The following SPIB variants were observed in gnomAD, a reference collection of about 807,000 sequenced individuals.
SPIB encodes Spi-B transcription factor.
Under a neutral mutation model 31.9 loss-of-function variants are expected in SPIB, and 7 were observed. The ratio of observed to expected loss-of-function variants is 0.22; its 90% CI spans 0.12 to 0.41. SPIB has a LOEUF of 0.41. Among genes scored for constraint, SPIB ranks in the 10% least tolerant of loss-of-function variants. SPIB has a pLI of 1.00. For synonymous variants in SPIB, 176 were observed against 158.9 expected (o/e 1.11, Z -0.81); for missense variants, 327 against 360.2 (o/e 0.91, Z 0.75).
chr19:50,425,687 C>A (rs1301567495), intron 5 of SPIB, among the ~76,000 whole-genome samples: 1 of 152,204 alleles, frequency 6.6e-6, no homozygotes, highest in East Asian at 1.9e-4. Context: ...TGTGCTCCTC[C>A]CACCTCAGCC....
rs1255980089 is a variant in SPIB, at chr19:50,427,207, T to C, written c.491-831T>C. On this transcript the variant is annotated intron_variant, in intron 5 of 5. Transcript: ENST00000595883. ...TGTAAAATGGCAGAGATGGGATTCT[T>C]GTAGCCAGTGCCCTGCTTTGAAACT... Among the ~76,000 whole-genome samples, 4 of 151,438 alleles carry C rather than the reference T, an allele frequency of 2.6e-5. No homozygotes were observed. In the East Asian group the frequency reaches 8.0e-4, roughly 30 times the overall value.
chr19:50,419,041 T>G, intron 1 of SPIB, 56 bp downstream of exon 1: 1 of 1,540,902 alleles, frequency 6.5e-7, no homozygotes, highest in Non-Finnish European at 8.8e-7. Context: ...TGCCCCTCTG[T>G]GGGGCCTCAC....
At chr19:50,422,782 C>G (rs370254200) in intron 3 of SPIB, 41 bp from the exon 4 acceptor site, 2 of 1,360,066 alleles carry the variant, frequency 1.5e-6, no homozygotes, top group Non-Finnish European at 2.0e-6. Context: ...AGGAGGCCTC[C>G]GTGAGACATC....
At chr19:50,419,068 C>T (rs1474523358) in intron 1 of SPIB, 83 bp downstream of exon 1, 3 of 1,501,272 alleles carry the variant, frequency 2.0e-6, no homozygotes, top group African/African-American at 2.8e-5. Flanking sequence ...GCAGTGGTTT[C>T]TCTGCTCCTC....
rs2039613878 is a variant in SPIB at position 50,429,540 on chromosome 19, A to C, written c.*1204A>C. On this transcript the variant is annotated 3_prime_UTR_variant, in exon 6 of 6. Coordinates refer to ENST00000595883, the MANE Select transcript of SPIB (RefSeq NM_003121.5). Reference sequence around the variant, plus strand: ...CAACATAATGAGACCTCGTCTCTACAAAACATAACAAAAACAATTAGCCGA... The same window carrying C: ...CAACATAATGAGACCTCGTCTCTACCAAACATAACAAAAACAATTAGCCGA... The C allele has an allele frequency of 6.6e-6, 1 of 152,182 alleles. No homozygotes were observed. The highest frequency in any genetic ancestry group is 2.4e-5 in the African/African-American group (1 of 41,400). 9.4% of individuals were successfully genotyped at this position (152,182 alleles called of 1,614,324 possible).
Position 50,422,932 on chromosome 19 carries a change from C to T in SPIB, c.234C>T (p.Tyr78=), listed in dbSNP as rs371620122. 3.2e-5 allele frequency: 51 copies of T among 1,599,284 alleles called. No individual in the cohort carries two copies. In the African/African-American group the frequency reaches 4.2e-4, roughly 13 times the overall value. ...ACCCCCAGGCTGCCCAGCTCTGCTA[C>T]GAACCCCCCACCTACAGCCCTGCAG... is the stretch of plus-strand genomic sequence containing the variant. ...FSHPQAAQLC[Y]EPPTYSPAGN... The change falls in exon 4 of 6, where the codon TAC becomes TAT. Residue 78 remains tyrosine (Y), a synonymous_variant. Transcript: ENST00000595883.
Position 50,422,911 on chromosome 19 carries a change from C to G in SPIB, c.213C>G (p.Pro71=), listed in dbSNP as rs1453345991. 2 of 1,607,218 alleles carry G rather than the reference C, an allele frequency of 1.2e-6. No individual in the cohort carries two copies. Among genetic ancestry groups the G allele is most frequent in the Admixed American group, 1.7e-5 (1 of 59,808 alleles). The change falls in exon 4 of 6, where the codon CCC becomes CCG. Residue 71 remains proline, a synonymous_variant. Transcript: ENST00000595883. ...FDPAAAAFSH[P]QAAQLCYEPP... is the part of the protein sequence containing the mutation. ...CGGCAGCAGCCGCTTTTAGCCACCC[C>G]CAGGCTGCCCAGCTCTGCTACGAAC...
chr19:50,430,729 C>G lies in SPIB; in HGVS notation c.*2393C>G, dbSNP rs145343161. The G allele has an allele frequency of 1.3e-5, 2 of 151,136 alleles. No individual in the cohort carries two copies. Among genetic ancestry groups the G allele is most frequent in the East Asian group, 3.9e-4 (2 of 5,116 alleles). The allele number at this position is 151,136 out of a possible 1,614,324, so 9.4% of individuals were successfully genotyped here. A position where few individuals can be genotyped will look rare whatever the true frequency, so the allele number is the denominator to read the frequency against. ...TGCACACCAGCCTGGGCGACAAGAG[C>G]GAAACTCCGTCTCAAAAAAAAAAAA... On this transcript the variant is annotated 3_prime_UTR_variant, in exon 6 of 6. Coordinates refer to ENST00000595883, the MANE Select transcript of SPIB (RefSeq NM_003121.5).
At chr19:50,423,261 A>G in intron 4 of SPIB, 1 of 458,002 alleles carries the variant, frequency 2.2e-6, no homozygotes, top group Non-Finnish European at 3.8e-6. Flanking sequence ...CATTTGGTTG[A>G]GGTTTGCTGG....
At chr19:50,420,396 C>G (rs1434656211) in intron 2 of SPIB, among the ~76,000 whole-genome samples, 1 of 149,654 alleles carries the variant, frequency 6.7e-6, no homozygotes, top group African/African-American at 2.4e-5. Context: ...CACACCCCAG[C>G]CATGTTTTTT....
At chr19:50,423,867 C>T in intron 5 of SPIB, 112 bp downstream of exon 5, 1 of 1,239,144 alleles carries the variant, frequency 8.1e-7, no homozygotes, top group South Asian at 1.5e-5. Context: ...GGGCAGCTCC[C>T]AGATCCGCAC....
At position 50,425,393 on chromosome 19, in the gene SPIB, A is replaced by G. The variant is rs537332314; in HGVS notation, c.490+1638A>G. 1.3e-4 allele frequency among the ~76,000 whole-genome samples: 20 copies of G among 152,248 alleles called. 1 individual carries two copies. In the South Asian group the frequency reaches 3.7e-3, roughly 28 times the overall value. On this transcript the variant is annotated intron_variant, in intron 5 of 5. Transcript: ENST00000595883. ...ACTTAGGACATTTAAGATGGAGAGG[A>G]TCTCTCCAATGACTAGGAAAGACAC...
chr19:50,427,519 C>T (rs754420522), intron 5 of SPIB, among the ~76,000 whole-genome samples: 3 of 152,112 alleles, frequency 2.0e-5, no homozygotes, highest in Admixed American at 1.3e-4. Flanking sequence ...AGCAAGACCC[C>T]GTCTCAAAAA....
chr19:50,428,582 A>C lies in SPIB; in HGVS notation c.*246A>C. 2.1e-6 allele frequency: 1 copy of C among 465,984 alleles called. No homozygotes were observed. The allele number at this position is 465,984 out of a possible 1,614,324, so 28.9% of individuals were successfully genotyped here. A position where few individuals can be genotyped will look rare whatever the true frequency, so the allele number is the denominator to read the frequency against. On this transcript the variant is annotated 3_prime_UTR_variant, in exon 6 of 6. Transcript: ENST00000595883. This position sits in a 1 kb window ranked among gnomAD's most constrained non-coding sequence, Gnocchi z 6.5. ...CATGTACAGACTCCCTGGGATCCTC[A>C]TGTTTTGGGTGACAGGACCTATGGA...
At chr19:50,421,803 TG>T (rs2039498731) in intron 2 of SPIB, among the ~76,000 whole-genome samples, 1 of 152,094 alleles carries the variant, frequency 6.6e-6, no homozygotes, top group Non-Finnish European at 1.5e-5. Context: ...TCAGTAGAGA[TG>T]GGGTTTCCCC....
At chr19:50,427,972 G>A in intron 5 of SPIB, 66 bp from the exon 6 acceptor site, 1 of 1,437,818 alleles carries the variant, frequency 7.0e-7, no homozygotes, top group Non-Finnish European at 9.2e-7. Context: ...TCTCGGAGGA[G>A]GGTGGATGGG....
intron 4 of SPIB, 51 bp from the exon 5 acceptor site, chr19:50,423,554 G>A (rs774923235): frequency 3.1e-5 from 49 of 1,591,314 alleles, no homozygotes; most frequent in African/African-American, 6.7e-5. Context: ...AGGAGGAAGT[G>A]GAGGGAGACA....
intron 3 of SPIB, 127 bp from the exon 4 acceptor site, chr19:50,422,696 C>A: frequency 9.4e-7 from 1 of 1,061,270 alleles, no homozygotes; most frequent in Non-Finnish European, 1.4e-6. Context: ...TACCCATCCG[C>A]TCCTCCATGC....
intron 4 of SPIB, chr19:50,423,282 C>G: frequency 2.1e-6 from 1 of 481,994 alleles, no homozygotes; most frequent in East Asian, 3.2e-5. Flanking sequence ...GTGCCGGGCA[C>G]TGCATTGAGA....
Sources: gnomAD v4.1 joint callset for allele counts (sites outside exome capture counted in the v4.1 genomes callset) on GRCh38, gnomAD v4.1.1 for gene constraint, Gnocchi (gnomAD v3.1) non-coding constraint, MANE v1.5 for transcripts, NCBI Gene and HGNC (gene_info 2026-07-23, HGNC 2026-07-21) for gene names.